The following CLNK variants were observed in gnomAD, a reference collection of about 807,000 sequenced individuals.
The protein encoded by CLNK is cytokine dependent hematopoietic cell linker.
Under a neutral mutation model 68.6 loss-of-function variants are expected in CLNK, and 74 were observed. The ratio of observed to expected loss-of-function variants is 1.08; its 90% confidence interval spans 0.89 to 1.31. The LOEUF (loss-of-function observed/expected upper bound fraction) is 1.31, where lower values mean the gene tolerates loss of function less well. Among genes scored for constraint, CLNK ranks in the 50% most tolerant of loss-of-function variants. The pLI, the probability that CLNK is intolerant of heterozygous loss-of-function variation, is 0.00. For missense variants in CLNK, 553 were observed against 515.3 expected (o/e 1.07, Z -0.71); for synonymous variants, 198 against 172.2 (o/e 1.15, Z -1.17).
At chr4:10,616,529 T>C (rs80265385) in intron 2 of CLNK, among the ~76,000 whole-genome samples, 3,828 of 152,232 alleles carry the variant, frequency 0.025, 165 homozygotes, top group African/African-American at 0.079. Flanking sequence ...TCCACTTTTG[T>C]TTTACTCATT....
At chr4:10,521,068 A>G (rs558336248) in intron 14 of CLNK, among the ~76,000 whole-genome samples, 1 of 152,336 alleles carries the variant, frequency 6.6e-6, no homozygotes, top group South Asian at 2.1e-4. Context: ...AGTTCTTCTC[A>G]TGTCTTTTCA....
At chr4:10,628,800 C>G (rs971278495) in intron 2 of CLNK, among the ~76,000 whole-genome samples, 1 of 152,216 alleles carries the variant, frequency 6.6e-6, no homozygotes, top group African/African-American at 2.4e-5. Context: ...GTAGGATTCT[C>G]TGAAAGTCTT....
intron 6 of CLNK, 115 bp downstream of exon 6, chr4:10,565,894 T>C: frequency 3.6e-6 from 4 of 1,115,030 alleles, no homozygotes; most frequent in Non-Finnish European, 3.8e-6. Flanking sequence ...TAGTAAGTCA[T>C]GGGGGCAGAC....
the CLNK span, among the ~76,000 whole-genome samples, chr4:10,699,494 C>CTCTATATA: frequency 7.2e-4 from 41 of 56,940 alleles, no homozygotes; most frequent in African/African-American, 1.2e-3. Flanking sequence ...CTCTCTCTCT[C>CTCTATATA]TATATATATA....
intron 2 of CLNK, among the ~76,000 whole-genome samples, chr4:10,659,376 A>G (rs1219448118): frequency 6.6e-6 from 1 of 152,210 alleles, no homozygotes; most frequent in Non-Finnish European, 1.5e-5. Context: ...ACCCTTTGAG[A>G]TAGTTACTAT....
At chr4:10,523,628 T>A (rs1008889793) in intron 14 of CLNK, among the ~76,000 whole-genome samples, 1 of 151,988 alleles carries the variant, frequency 6.6e-6, no homozygotes, top group Non-Finnish European at 1.5e-5. Flanking sequence ...ACAAAAGAAG[T>A]GAAACCACAT....
chr4:10,657,902 C>A (rs1724043699), intron 2 of CLNK, among the ~76,000 whole-genome samples: 1 of 152,196 alleles, frequency 6.6e-6, no homozygotes, highest in African/African-American at 2.4e-5. Flanking sequence ...TACTTAGAAT[C>A]AGCTTTTGAG....
intron 2 of CLNK, among the ~76,000 whole-genome samples, chr4:10,619,381 A>G (rs1181091924): frequency 6.6e-6 from 1 of 152,202 alleles, no homozygotes. Context: ...CCATGAATAT[A>G]CATCAATGGG....
chr4:10,601,146 G>C (rs1420819795), intron 2 of CLNK, among the ~76,000 whole-genome samples: 1 of 152,196 alleles, frequency 6.6e-6, no homozygotes, highest in Admixed American at 6.5e-5. Context: ...CTAGAGTGGA[G>C]AGCATTTAGT....
intron 3 of CLNK, among the ~76,000 whole-genome samples, 189 bp from the exon 4 acceptor site, chr4:10,585,144 T>C (rs1720924180): frequency 6.6e-6 from 1 of 152,250 alleles, no homozygotes; most frequent in South Asian, 2.1e-4. Flanking sequence ...TACATATTTC[T>C]ATTTTCTGGA....
chr4:10,636,479 C>A (rs906468484), intron 2 of CLNK, among the ~76,000 whole-genome samples: 10 of 152,124 alleles, frequency 6.6e-5, no homozygotes, highest in Non-Finnish European at 2.9e-5. Context: ...CAGACTTTGG[C>A]CTCCTGATTT....
At chr4:10,664,952 C>T (rs775299224) in intron 2 of CLNK, among the ~76,000 whole-genome samples, 30 of 152,162 alleles carry the variant, frequency 2.0e-4, no homozygotes, top group South Asian at 4.1e-4. Flanking sequence ...CAATCCCATA[C>T]GGATTGACTG....
intron 7 of CLNK, among the ~76,000 whole-genome samples, chr4:10,559,831 C>T (rs1719818129): frequency 6.6e-6 from 1 of 152,146 alleles, no homozygotes; most frequent in African/African-American, 2.4e-5. Flanking sequence ...AAAATACCAG[C>T]TTGGATTCAC....
At chr4:10,661,136 C>T (rs1425196888) in intron 2 of CLNK, among the ~76,000 whole-genome samples, 1 of 152,120 alleles carries the variant, frequency 6.6e-6, no homozygotes, top group Non-Finnish European at 1.5e-5. Context: ...AGTGAAGGTG[C>T]CCCTGGAGGT....
chr4:10,704,362 G>A, the CLNK span, among the ~76,000 whole-genome samples: 2 of 152,080 alleles, frequency 1.3e-5, no homozygotes, highest in African/African-American at 4.8e-5. Flanking sequence ...ATAAACTCAG[G>A]ATATAATAAC....
At chr4:10,581,861 G>A (rs77874547) in intron 4 of CLNK, among the ~76,000 whole-genome samples, 14 of 152,232 alleles carry the variant, frequency 9.2e-5, no homozygotes, top group African/African-American at 2.9e-4. Flanking sequence ...GGTGGGAACA[G>A]TCTGGATAGT....
At chr4:10,494,627 T>G (rs1290104393) in intron 18 of CLNK, among the ~76,000 whole-genome samples, 3 of 152,042 alleles carry the variant, frequency 2.0e-5, no homozygotes, top group Non-Finnish European at 4.4e-5. Flanking sequence ...GCAGCTAACT[T>G]TTCGTGTTTT....
intron 3 of CLNK, among the ~76,000 whole-genome samples, chr4:10,595,454 A>G (rs1275229850): frequency 1.3e-5 from 2 of 152,194 alleles, no homozygotes; most frequent in Non-Finnish European, 2.9e-5. Context: ...ATTCATCTCA[A>G]TATTGCAGAC....
chr4:10,694,232 AT>A, the CLNK span, among the ~76,000 whole-genome samples: 1 of 151,424 alleles, frequency 6.6e-6, no homozygotes, highest in South Asian at 2.1e-4. Context: ...CCCAAATTCT[AT>A]TTAATTTCTA....
Sources: gnomAD v4.1 joint callset for allele counts (sites outside exome capture counted in the v4.1 genomes callset) on GRCh38, gnomAD v4.1.1 for gene constraint, MANE v1.5 for transcripts, NCBI Gene and HGNC (gene_info 2026-07-23, HGNC 2026-07-21) for gene names.